The following NFIB variants were observed in gnomAD, a reference collection of about 807,000 sequenced individuals.
NFIB encodes nuclear factor 1 B-type.
Under a neutral mutation model 61.5 loss-of-function variants are expected in NFIB, and 11 were observed. That is an observed-to-expected ratio of 0.18 (90% CI 0.11 to 0.30). NFIB has a LOEUF of 0.30. Ranked by LOEUF, NFIB falls within the 10% of genes least tolerant of loss-of-function variation. The probability of loss-of-function intolerance (pLI) is 1.00; values close to 1 mark genes in which losing one functional copy is unlikely to be tolerated. For synonymous variants in NFIB, 260 were observed against 216.5 expected (o/e 1.20, Z -1.76); for missense variants, 471 against 608.9 (o/e 0.77, Z 2.38).
chr9:14,306,936 G>C (rs1445147603), intron 2 of NFIB, 53 bp downstream of exon 2: 2 of 1,592,004 alleles, frequency 1.3e-6, no homozygotes, highest in African/African-American at 2.7e-5. Context: ...TCTGTCTACG[G>C]AGATTTGTAG....
chr9:14,354,728 ATTT>A (rs1400054976), intron 1 of NFIB, among the ~76,000 whole-genome samples: 1 of 151,266 alleles, frequency 6.6e-6, no homozygotes, highest in Admixed American at 6.6e-5. Flanking sequence ...CCTCATGGCA[ATTT>A]TTTCCTTCAG....
chr9:14,389,287 C>G (rs1326161492), intron 1 of NFIB, among the ~76,000 whole-genome samples: 2 of 152,068 alleles, frequency 1.3e-5, no homozygotes, highest in Admixed American at 1.3e-4. Context: ...TTCTCCTCTC[C>G]CATTTAAGTT....
chr9:14,326,083 G>A (rs2060748940), intron 1 of NFIB, among the ~76,000 whole-genome samples: 1 of 152,292 alleles, frequency 6.6e-6, no homozygotes, highest in African/African-American at 2.4e-5. Context: ...GATTTCATTA[G>A]ATGAGAGCTG....
At chr9:14,372,592 T>A (rs1472522618) in intron 1 of NFIB, among the ~76,000 whole-genome samples, 1 of 152,164 alleles carries the variant, frequency 6.6e-6, no homozygotes, top group South Asian at 2.1e-4. Flanking sequence ...TAAGAGACAC[T>A]AGACAGGAGT....
At chr9:14,326,226 G>C (rs1243757546) in intron 1 of NFIB, among the ~76,000 whole-genome samples, 1 of 152,198 alleles carries the variant, frequency 6.6e-6, no homozygotes, top group African/African-American at 2.4e-5. Flanking sequence ...CTCTTCAGCT[G>C]TAATTCATTA....
chr9:14,454,026 G>T, the NFIB span, among the ~76,000 whole-genome samples: 3 of 152,020 alleles, frequency 2.0e-5, no homozygotes, highest in East Asian at 3.9e-4. Flanking sequence ...CCGAGATCGC[G>T]CCACTGCACT....
At chr9:14,440,940 C>T in the NFIB span, among the ~76,000 whole-genome samples, 1 of 152,044 alleles carries the variant, frequency 6.6e-6, no homozygotes, top group African/African-American at 2.4e-5. Context: ...TTGTGTAGAA[C>T]ATACAACTGC....
At chr9:14,162,227 T>A (rs2044280985) in intron 3 of NFIB, among the ~76,000 whole-genome samples, 1 of 151,498 alleles carries the variant, frequency 6.6e-6, no homozygotes. Context: ...AATGAAAATG[T>A]TGGCTATGAA....
At chr9:14,376,966 G>C (rs1303044743) in intron 1 of NFIB, among the ~76,000 whole-genome samples, 4 of 152,006 alleles carry the variant, frequency 2.6e-5, no homozygotes, top group Non-Finnish European at 5.9e-5. Flanking sequence ...TCTCATTTGA[G>C]AAATAAAATA....
At chr9:14,164,977 A>G (rs997864340) in intron 3 of NFIB, among the ~76,000 whole-genome samples, 2 of 152,188 alleles carry the variant, frequency 1.3e-5, no homozygotes, top group Non-Finnish European at 2.9e-5. Flanking sequence ...TAGCACTGGC[A>G]TAACTGGGGA....
At chr9:14,456,190 C>T in the NFIB span, among the ~76,000 whole-genome samples, 1 of 145,988 alleles carries the variant, frequency 6.8e-6, no homozygotes, top group Non-Finnish European at 1.5e-5. Context: ...TACAAAAGTA[C>T]CTGGAGTAAC....
At chr9:14,438,016 G>GTA in the NFIB span, among the ~76,000 whole-genome samples, 1 of 150,448 alleles carries the variant, frequency 6.6e-6, no homozygotes, top group East Asian at 2.0e-4. Flanking sequence ...ATCCTAGTGT[G>GTA]TGTGTGTGTG....
At chr9:14,386,205 T>G (rs960138238) in intron 1 of NFIB, among the ~76,000 whole-genome samples, 10 of 152,234 alleles carry the variant, frequency 6.6e-5, no homozygotes, top group African/African-American at 2.4e-4. Context: ...TGTAGCATAA[T>G]ATATGTAGCA....
chr9:14,285,193 G>A (rs558074319), intron 2 of NFIB, among the ~76,000 whole-genome samples: 1 of 152,190 alleles, frequency 6.6e-6, no homozygotes, highest in African/African-American at 2.4e-5. Flanking sequence ...TGCAATCTCA[G>A]CTCACTGCAA....
At chr9:14,355,827 G>A (rs1454241421) in intron 1 of NFIB, among the ~76,000 whole-genome samples, 1 of 152,054 alleles carries the variant, frequency 6.6e-6, no homozygotes, top group Non-Finnish European at 1.5e-5. Context: ...CGTGGTGGCG[G>A]GTGCCTGTAG....
the NFIB span, among the ~76,000 whole-genome samples, chr9:14,503,106 A>ATATATATATATATG: frequency 1.3e-5 from 2 of 149,268 alleles, no homozygotes; most frequent in South Asian, 2.1e-4. Flanking sequence ...ATATATATAT[A>ATATATATATATATG]TGTGTGTATG....
chr9:14,467,601 G>A, the NFIB span, among the ~76,000 whole-genome samples: 4,755 of 152,142 alleles, frequency 0.031, 104 homozygotes, highest in Non-Finnish European at 0.05. Flanking sequence ...TATTTATTCA[G>A]TCAATTGGCA....
chr9:14,412,236 C>T, the NFIB span, among the ~76,000 whole-genome samples: 2 of 152,196 alleles, frequency 1.3e-5, no homozygotes, highest in Non-Finnish European at 2.9e-5. Context: ...TGTGTTCCCA[C>T]ATAATGTATT....
chr9:14,220,377 G>A (rs2051487601), intron 2 of NFIB, among the ~76,000 whole-genome samples: 1 of 152,192 alleles, frequency 6.6e-6, no homozygotes, highest in African/African-American at 2.4e-5. Flanking sequence ...TAGGCTTAGA[G>A]AGAGATGCTT....
Sources: gnomAD v4.1 joint callset for allele counts (sites outside exome capture counted in the v4.1 genomes callset) on GRCh38, gnomAD v4.1.1 for gene constraint, MANE v1.5 for transcripts, NCBI Gene and HGNC (gene_info 2026-07-23, HGNC 2026-07-21) for gene names.